Variants in TAGLN3 observed in about 807,000 individuals in gnomAD.
TAGLN3 encodes transgelin-3.
Under a neutral mutation model 25.4 loss-of-function variants are expected in TAGLN3, and 12 were observed. The observed-to-expected ratio is 0.47, with a 90% CI of 0.30 to 0.77. The LOEUF (loss-of-function observed/expected upper bound fraction) is 0.77. Among genes scored for constraint, TAGLN3 ranks in the 30% least tolerant of loss-of-function variants. TAGLN3 has a pLI of 0.06. For synonymous variants in TAGLN3, 96 were observed against 94.8 expected (o/e 1.01, Z -0.08); for missense variants, 218 against 255.8 (o/e 0.85, Z 1.01).
At position 111,999,124 on chromosome 3, in the gene TAGLN3, T is replaced by G; in HGVS notation, c.-3+10T>G. On this transcript the variant is annotated intron_variant, in intron 1 of 4. Coordinates refer to ENST00000478951, the MANE Select transcript of TAGLN3 (RefSeq NM_001008272.2). ...GGGTTCAGACTTGATTGTGAGTCCG[T>G]GTTATATCATCTGGTCTCATTGATA... The G allele has an allele frequency of 3.9e-6, 1 of 256,416 alleles. No homozygotes were observed. Among genetic ancestry groups the G allele is most frequent in the Non-Finnish European group, 7.5e-6 (1 of 133,242 alleles). The allele number at this position is 256,416 out of a possible 1,614,324, so 15.9% of individuals were successfully genotyped here. A position where few individuals can be genotyped will look rare whatever the true frequency, so the allele number is the denominator to read the frequency against.
intron 3 of TAGLN3, among the ~76,000 whole-genome samples, chr3:112,002,128 C>A (rs1320937031): frequency 1.6e-4 from 24 of 152,144 alleles, no homozygotes; most frequent in Non-Finnish European, 1.0e-4. Flanking sequence ...GTTGAGCCTC[C>A]AAATTCTCAT....
chr3:112,011,780 G>C lies in TAGLN3; in HGVS notation c.373G>C (p.Val125Leu). ...DLWEGKDMAA[V>L]QRTLMALGSV... ...GCTTCCAGGGAAGGACATGGCAGCT[G>C]TGCAGAGGACCCTGATGGCTTTAGG... is the stretch of plus-strand genomic sequence containing the variant. The change falls in exon 4 of 5, where the codon GTG (valine) becomes CTG (leucine). Residue 125 changes from valine to leucine, a missense_variant. Coordinates refer to ENST00000478951, the MANE Select transcript of TAGLN3 (RefSeq NM_001008272.2). The C allele has an allele frequency of 6.2e-7, 1 of 1,613,286 alleles. No individual in the cohort carries two copies.
chr3:112,013,377 A>C, intron 4 of TAGLN3, 33 bp from the exon 5 acceptor site: 1 of 1,593,552 alleles, frequency 6.3e-7, no homozygotes, highest in Non-Finnish European at 8.6e-7. Flanking sequence ...AACTGTCATA[A>C]TGACATTATT....
chr3:112,013,629 C>A lies in TAGLN3; in HGVS notation c.*78C>A. 6.3e-7 allele frequency: 1 copy of A among 1,589,262 alleles called. No homozygotes were observed. Among genetic ancestry groups the A allele is most frequent in the Non-Finnish European group, 8.6e-7 (1 of 1,164,048 alleles). On this transcript the variant is annotated 3_prime_UTR_variant, in exon 5 of 5. Transcript: ENST00000478951. ...CTACGAAAAAGAAATAGTTAGTCAC[C>A]TTCTGACCTTCTCCTCTTTCTCAAA...
chr3:112,000,623 C>A lies in TAGLN3; in HGVS notation c.181-149C>A, dbSNP rs1305889063. 9.2e-6 allele frequency: 7 copies of A among 760,730 alleles called. No homozygotes were observed. The East Asian group carries it at 1.2e-4, about 13-fold the overall frequency. The allele number at this position is 760,730 out of a possible 1,614,324, so 47.1% of individuals were successfully genotyped here. On this transcript the variant is annotated intron_variant, in intron 2 of 4. Transcript: ENST00000478951. Reference sequence around the variant, plus strand: ...GGCTTAGTATAGGAGCCTGGCTACACAGCCCAGAGCCCGTGCCTTCCTAGG... The same window carrying A: ...GGCTTAGTATAGGAGCCTGGCTACAAAGCCCAGAGCCCGTGCCTTCCTAGG...
chr3:112,005,401 G>T (rs1375299337), intron 3 of TAGLN3, among the ~76,000 whole-genome samples: 1 of 152,110 alleles, frequency 6.6e-6, no homozygotes, highest in Non-Finnish European at 1.5e-5. Flanking sequence ...CTCACAGATC[G>T]ATCAGTCTCA....
Position 111,999,527 on chromosome 3 carries a change from C to A in TAGLN3, c.105C>A (p.Ile35=), listed in dbSNP as rs1559941084. The part of the protein sequence containing the change: ...DLENKLVDWI[I]LQCAEDIEHP... ...AGAACAAGCTGGTGGACTGGATCATCCTGCAGTGCGCCGAGGACATAGAGC... is the reference window on the plus strand; with the variant it reads ...AGAACAAGCTGGTGGACTGGATCATACTGCAGTGCGCCGAGGACATAGAGC... The change falls in exon 2 of 5, where the codon ATC becomes ATA. Residue 35 remains isoleucine (I), a synonymous_variant. Transcript: ENST00000478951. 3 of 1,614,196 alleles carry A rather than the reference C, an allele frequency of 1.9e-6. No homozygotes were observed. Among genetic ancestry groups the A allele is most frequent in the Non-Finnish European group, 2.5e-6 (3 of 1,180,036 alleles).
intron 2 of TAGLN3, 191 bp from the exon 3 acceptor site, chr3:112,000,581 G>A (rs1216749833): frequency 1.1e-5 from 6 of 556,452 alleles, no homozygotes; most frequent in Non-Finnish European, 1.9e-5. Context: ...TAGGAATGGG[G>A]TCCTCTGGGT....
chr3:112,009,654 C>G (rs1053819455), intron 3 of TAGLN3, among the ~76,000 whole-genome samples: 1 of 152,120 alleles, frequency 6.6e-6, no homozygotes, highest in Admixed American at 6.5e-5. Context: ...ATAGTTTTCT[C>G]GTCCACACAT....
intron 3 of TAGLN3, among the ~76,000 whole-genome samples, chr3:112,011,286 C>T (rs1250735944): frequency 6.6e-6 from 1 of 152,222 alleles, no homozygotes; most frequent in Non-Finnish European, 1.5e-5. Context: ...CACTGCACAT[C>T]CCTCTCCCTT....
chr3:112,006,939 C>G (rs993854987), intron 3 of TAGLN3, among the ~76,000 whole-genome samples: 36 of 152,260 alleles, frequency 2.4e-4, no homozygotes, highest in African/African-American at 8.4e-4. Context: ...CAGGATCACA[C>G]TTTGGATAAC....
chr3:111,999,184 A>C, intron 1 of TAGLN3, 70 bp downstream of exon 1: 1 of 434,526 alleles, frequency 2.3e-6, no homozygotes, highest in East Asian at 4.0e-5. Flanking sequence ...GCCCCCCTGG[A>C]CCGGCCGGAG....
At chr3:112,005,094 T>C (rs2072902561) in intron 3 of TAGLN3, among the ~76,000 whole-genome samples, 1 of 152,150 alleles carries the variant, frequency 6.6e-6, no homozygotes, top group South Asian at 2.1e-4. Context: ...GTCAGGTGGA[T>C]GGGTTCAAAT....
At chr3:111,999,704 G>A in intron 2 of TAGLN3, 102 bp downstream of exon 2, 1 of 1,435,822 alleles carries the variant, frequency 7.0e-7, no homozygotes, top group Non-Finnish European at 9.4e-7. Flanking sequence ...CTGTTGCCAA[G>A]CTCTATGTCT....
At chr3:112,005,994 C>T (rs1290839791) in intron 3 of TAGLN3, among the ~76,000 whole-genome samples, 3 of 151,434 alleles carry the variant, frequency 2.0e-5, no homozygotes, top group South Asian at 2.1e-4. Flanking sequence ...CTCCTGACCT[C>T]GTGATCCGCC....
intron 4 of TAGLN3, among the ~76,000 whole-genome samples, chr3:112,012,389 C>T (rs2072988862): frequency 6.6e-6 from 1 of 151,842 alleles, no homozygotes; most frequent in Admixed American, 6.6e-5. Flanking sequence ...TATGTTGTCC[C>T]AGTATATCTA....
At chr3:111,999,354 G>T (rs1576074856) in intron 1 of TAGLN3, 67 bp from the exon 2 acceptor site, 2 of 1,559,498 alleles carry the variant, frequency 1.3e-6, no homozygotes, top group East Asian at 2.3e-5. Context: ...AGCCCCGTCT[G>T]CAGGGAGCCG....
chr3:112,010,437 C>T (rs1212997692), intron 3 of TAGLN3, among the ~76,000 whole-genome samples: 1 of 152,184 alleles, frequency 6.6e-6, no homozygotes, highest in Non-Finnish European at 1.5e-5. Context: ...ACAGAATGAA[C>T]CTTCAGAATA....
intron 3 of TAGLN3, among the ~76,000 whole-genome samples, chr3:112,006,051 G>A (rs572791703): frequency 1.2e-4 from 18 of 152,006 alleles, no homozygotes; most frequent in African/African-American, 3.4e-4. Context: ...GAGCCACCGC[G>A]CCTGGCCTGG....
Sources: gnomAD v4.1 joint callset for allele counts (sites outside exome capture counted in the v4.1 genomes callset) on GRCh38, gnomAD v4.1.1 for gene constraint, MANE v1.5 for transcripts, NCBI Gene and HGNC (gene_info 2026-07-23, HGNC 2026-07-21) for gene names.